Variants in GRM8 observed in about 807,000 individuals in gnomAD.
GRM8 encodes the protein glutamate metabotropic receptor 8.
In GRM8, 47 loss-of-function variants were observed where a neutral mutation model predicts 87.2. That is an observed-to-expected ratio of 0.54 (90% confidence interval 0.43 to 0.69). The LOEUF (loss-of-function observed/expected upper bound fraction) is 0.69, where lower values mean the gene tolerates loss of function less well. GRM8 is among the 30% of genes least tolerant of loss of function. The pLI, the probability that GRM8 is intolerant of heterozygous loss-of-function variation, is 0.00. For synonymous variants in GRM8, 396 were observed against 404.5 expected (o/e 0.98, Z 0.25); for missense variants, 1,019 against 1,139.2 (o/e 0.89, Z 1.52).
At chr7:126,659,267 A>G (rs919631527) in intron 7 of GRM8, among the ~76,000 whole-genome samples, 1 of 152,148 alleles carries the variant, frequency 6.6e-6, no homozygotes, top group Non-Finnish European at 1.5e-5. Flanking sequence ...ATAGAAAATC[A>G]AGCTATTACA....
At chr7:126,726,860 G>C (rs1490117466) in intron 7 of GRM8, among the ~76,000 whole-genome samples, 1 of 151,498 alleles carries the variant, frequency 6.6e-6, no homozygotes, top group Non-Finnish European at 1.5e-5. Flanking sequence ...CCCAAGATTT[G>C]CTCCAAGAAA....
At chr7:127,178,943 A>C (rs1794275927) in intron 2 of GRM8, among the ~76,000 whole-genome samples, 1 of 152,176 alleles carries the variant, frequency 6.6e-6, no homozygotes. Context: ...TAAGAAGCAA[A>C]ACAAAAAGCA....
intron 9 of GRM8, among the ~76,000 whole-genome samples, chr7:126,449,380 G>A (rs1258266679): frequency 1.3e-5 from 2 of 151,794 alleles, no homozygotes; most frequent in Non-Finnish European, 2.9e-5. Flanking sequence ...TCATAGAGGA[G>A]TTACAGGGTA....
intron 3 of GRM8, among the ~76,000 whole-genome samples, chr7:126,954,620 T>G (rs867296344): frequency 2.5e-4 from 38 of 152,340 alleles, no homozygotes; most frequent in Middle Eastern, 3.4e-3. Flanking sequence ...ATAGATTCAT[T>G]ACTTTCTAAC....
At chr7:127,240,583 G>C (rs1034231931) in intron 2 of GRM8, among the ~76,000 whole-genome samples, 1 of 152,128 alleles carries the variant, frequency 6.6e-6, no homozygotes, top group Non-Finnish European at 1.5e-5. Context: ...ACAGGAACCC[G>C]AATTGGTTTA....
chr7:127,009,855 T>C (rs1814697616), intron 3 of GRM8, among the ~76,000 whole-genome samples: 1 of 151,934 alleles, frequency 6.6e-6, no homozygotes, highest in African/African-American at 2.4e-5. Flanking sequence ...TCTTTTTTTT[T>C]CTTTTTGCCA....
intron 6 of GRM8, among the ~76,000 whole-genome samples, chr7:126,878,511 G>A (rs1204532): frequency 1.6e-4 from 24 of 149,738 alleles, no homozygotes; most frequent in South Asian, 1.1e-3. Flanking sequence ...ATATATCGTC[G>A]TCTTCTTCTT....
chr7:127,014,275 C>A (rs964016218), intron 3 of GRM8, among the ~76,000 whole-genome samples: 1 of 152,142 alleles, frequency 6.6e-6, no homozygotes, highest in Non-Finnish European at 1.5e-5. Flanking sequence ...TTTTTCATCC[C>A]ATTTATTATA....
intron 3 of GRM8, among the ~76,000 whole-genome samples, chr7:127,054,488 T>C (rs11563764): frequency 0.08 from 12,143 of 152,228 alleles, 527 homozygotes; most frequent in South Asian, 0.13. Context: ...GGTTATAAAA[T>C]GCAGTCAATA....
At chr7:126,997,302 T>G (rs1456377620) in intron 3 of GRM8, among the ~76,000 whole-genome samples, 2 of 151,444 alleles carry the variant, frequency 1.3e-5, no homozygotes, top group East Asian at 3.9e-4. Context: ...AAAGCAGTAC[T>G]AAGAGGAAAA....
chr7:126,969,769 T>A (rs1810227363), intron 3 of GRM8, among the ~76,000 whole-genome samples: 1 of 152,208 alleles, frequency 6.6e-6, no homozygotes, highest in Non-Finnish European at 1.5e-5. Flanking sequence ...AGTCTTCATT[T>A]ACTTTGCCCG....
Position 126,636,824 on chromosome 7 carries a change from T to C in GRM8, c.1358-27326A>G, listed in dbSNP as rs571238772. On this transcript the variant is annotated intron_variant, in intron 7 of 10. Coordinates refer to ENST00000339582, the MANE Select transcript of GRM8 (RefSeq NM_000845.3). ...GTAATTGAAAGTGCCTTTAATAAACTGGATGCCTTGTGACATTTTATCTTT... is the reference window on the plus strand; with the variant it reads ...GTAATTGAAAGTGCCTTTAATAAACCGGATGCCTTGTGACATTTTATCTTT... Among the ~76,000 whole-genome samples the C allele has an allele frequency of 3.0e-3, 455 of 152,218 alleles. 2 individuals are homozygous for C. Among genetic ancestry groups the C allele is most frequent in the African/African-American group, 0.011 (446 of 41,562 alleles).
intron 9 of GRM8, among the ~76,000 whole-genome samples, chr7:126,524,894 T>C (rs1472231539): frequency 6.6e-6 from 1 of 152,250 alleles, no homozygotes; most frequent in Non-Finnish European, 1.5e-5. Flanking sequence ...CAATATTTTC[T>C]TGATTCACTC....
At chr7:126,754,125 G>C (rs74869164) in intron 7 of GRM8, among the ~76,000 whole-genome samples, 1,872 of 151,892 alleles carry the variant, frequency 0.012, 86 homozygotes, top group East Asian at 0.12. Context: ...AGGAACGCTT[G>C]AAATGCACAG....
chr7:126,692,333 T>C lies in GRM8; in HGVS notation c.1357+77532A>G, dbSNP rs536392486. ...TCAAACTCTGGAACAGTAGCAGATA[T>C]GCTGACTTGCTATAGAATGAGAGTG... On this transcript the variant is annotated intron_variant, in intron 7 of 10. Coordinates refer to ENST00000339582, the MANE Select transcript of GRM8 (RefSeq NM_000845.3). Among the ~76,000 whole-genome samples the C allele has an allele frequency of 2.6e-5, 4 of 152,312 alleles. No individual in the cohort carries two copies. In the East Asian group the frequency reaches 5.8e-4, roughly 22 times the overall value.
chr7:126,964,030 G>A (rs575089200), intron 3 of GRM8, among the ~76,000 whole-genome samples: 1 of 152,138 alleles, frequency 6.6e-6, no homozygotes, highest in South Asian at 2.1e-4. Context: ...CGACCATCAG[G>A]TCTTTGACAA....
intron 3 of GRM8, among the ~76,000 whole-genome samples, chr7:127,007,712 A>C (rs1414173918): frequency 1.3e-5 from 2 of 152,132 alleles, no homozygotes; most frequent in Non-Finnish European, 2.9e-5. Flanking sequence ...GTGAAACTCT[A>C]TATTAAAATA....
intron 8 of GRM8, among the ~76,000 whole-genome samples, chr7:126,607,865 C>T (rs1287185345): frequency 1.6e-5 from 2 of 121,804 alleles, no homozygotes; most frequent in South Asian, 2.9e-4. Flanking sequence ...CACCCCACAA[C>T]AGTCCCCAGA....
intron 9 of GRM8, among the ~76,000 whole-genome samples, chr7:126,468,490 C>T (rs1313995792): frequency 6.6e-6 from 1 of 152,036 alleles, no homozygotes; most frequent in Non-Finnish European, 1.5e-5. Flanking sequence ...TTTTTCAAGC[C>T]TATTTCTTCT....
Sources: allele counts gnomAD v4.1 joint callset (sites outside exome capture counted in the v4.1 genomes callset), GRCh38; gene constraint gnomAD v4.1.1; transcripts MANE v1.5; gene names NCBI Gene and HGNC (gene_info 2026-07-23, HGNC 2026-07-21).